MAGI2: variants seen among roughly 807,000 people sequenced by gnomAD.
MAGI2 encodes the protein membrane associated guanylate kinase, WW and PDZ domain containing 2, also known as membrane-associated guanylate kinase, WW and PDZ domain-containing protein 2.
A neutral mutation model predicts 133.3 loss-of-function variants in MAGI2; 35 were observed. The observed-to-expected ratio is 0.26, with a 90% CI of 0.20 to 0.35. MAGI2 has a LOEUF of 0.35. MAGI2 is among the 10% of genes least tolerant of loss of function. The probability of loss-of-function intolerance (pLI) is 1.00; values close to 1 mark genes in which losing one functional copy is unlikely to be tolerated. For missense variants in MAGI2, 1,636 were observed against 1,863.4 expected (o/e 0.88, Z 2.25); for synonymous variants, 729 against 710.6 (o/e 1.03, Z -0.41).
At chr7:78,422,812 G>A (rs1798922442) in intron 6 of MAGI2, among the ~76,000 whole-genome samples, 1 of 152,052 alleles carries the variant, frequency 6.6e-6, no homozygotes, top group African/African-American at 2.4e-5. Flanking sequence ...ACCTAGTCTT[G>A]CACAAAACAG....
chr7:79,387,636 G>A (rs1383421129), intron 1 of MAGI2, among the ~76,000 whole-genome samples: 2 of 151,784 alleles, frequency 1.3e-5, no homozygotes, highest in African/African-American at 4.8e-5. Flanking sequence ...CATATGACGT[G>A]CTAAATTTAA....
In MAGI2 at chr7:79,388,027, C is replaced by A. The variant is rs182809488; in HGVS notation, c.301+64993G>T. Reference sequence around the variant, plus strand: ...TTCCCCAAATTAAAATAATAATATTCCTGCTTGCTTAATGATTATATACAT... The same window carrying A: ...TTCCCCAAATTAAAATAATAATATTACTGCTTGCTTAATGATTATATACAT... On this transcript the variant is annotated intron_variant, in intron 1 of 21. Transcript: ENST00000354212. Among the ~76,000 whole-genome samples, 20 of 151,750 alleles carry A rather than the reference C, an allele frequency of 1.3e-4. No homozygotes were observed. In the East Asian group the frequency reaches 3.9e-3, roughly 29 times the overall value.
chr7:78,242,290 G>T (rs10256416), intron 10 of MAGI2, among the ~76,000 whole-genome samples: 24,496 of 152,136 alleles, frequency 0.16, 2,614 homozygotes, highest in East Asian at 0.31. Flanking sequence ...AGAGGGATGC[G>T]AAGGTCCTAG....
At chr7:78,752,340 T>C (rs1251473566) in intron 2 of MAGI2, among the ~76,000 whole-genome samples, 2 of 152,162 alleles carry the variant, frequency 1.3e-5, no homozygotes, top group Non-Finnish European at 2.9e-5. Flanking sequence ...TGGTGGCTCA[T>C]GCCTGTAATC....
chr7:78,725,489 T>A (rs1820683505), intron 2 of MAGI2, among the ~76,000 whole-genome samples: 1 of 152,178 alleles, frequency 6.6e-6, no homozygotes, highest in African/African-American at 2.4e-5. Flanking sequence ...GGCACTATGC[T>A]GAATGACAGA....
At chr7:78,269,470 G>C (rs1310431785) in intron 9 of MAGI2, among the ~76,000 whole-genome samples, 7 of 152,092 alleles carry the variant, frequency 4.6e-5, no homozygotes, top group Non-Finnish European at 7.4e-5. Flanking sequence ...TTTAATGATT[G>C]CCATTCTAAC....
At chr7:79,260,363 AATACATAC>A (rs61427819) in intron 1 of MAGI2, among the ~76,000 whole-genome samples, 23,271 of 149,004 alleles carry the variant, frequency 0.16, 2,403 homozygotes, top group East Asian at 0.28. Context: ...TCTCTAAGTA[AATACATAC>A]ATACATACAT....
chr7:78,054,580 A>G (rs1047737526), intron 21 of MAGI2, among the ~76,000 whole-genome samples: 15 of 145,678 alleles, frequency 1.0e-4, no homozygotes, highest in Admixed American at 1.0e-3. Flanking sequence ...CCCTTCATTC[A>G]TAGGCATACT....
Position 78,430,240 on chromosome 7 carries a change from C to CTTTTTTTTTT in MAGI2, c.1045+59511_1045+59520dup, listed in dbSNP as rs545809101. On this transcript the variant is annotated intron_variant, in intron 6 of 21. Transcript: ENST00000354212. The stretch of plus-strand genomic sequence containing the variant: ...GTATTACTGTCTGTTCTGGAAAAGC[C>CTTTTTTTTTT]TTTTTTTTTTTTTTTTTTTTTTTTT... 1.7e-3 allele frequency among the ~76,000 whole-genome samples: 128 copies of CTTTTTTTTTT among 76,636 alleles called. 13 individuals are homozygous for CTTTTTTTTTT. Among genetic ancestry groups the CTTTTTTTTTT allele is most frequent in the African/African-American group, 6.4e-3 (116 of 18,006 alleles). The allele number at this position is 76,636 out of a possible 152,430, so 50.3% of individuals were successfully genotyped here. A position where few individuals can be genotyped will look rare whatever the true frequency, so the allele number is the denominator to read the frequency against.
At chr7:78,109,303 CAAAAAAAAAAAAAAAA>C (rs71085511) in intron 20 of MAGI2, among the ~76,000 whole-genome samples, 26 of 19,948 alleles carry the variant, frequency 1.3e-3, no homozygotes, top group Non-Finnish European at 2.0e-3. Flanking sequence ...GACTCCGTCT[CAAAAAAAAAAAAAAAA>C]AAAAAAAAAA....
chr7:78,031,103 C>A (rs911518296), intron 21 of MAGI2, among the ~76,000 whole-genome samples: 12 of 152,120 alleles, frequency 7.9e-5, no homozygotes, highest in Non-Finnish European at 1.6e-4. Context: ...GTGAAAGAAG[C>A]CAGATTCAAA....
At chr7:78,849,393 A>C (rs1198273307) in intron 2 of MAGI2, among the ~76,000 whole-genome samples, 1 of 152,066 alleles carries the variant, frequency 6.6e-6, no homozygotes, top group Non-Finnish European at 1.5e-5. Flanking sequence ...TCCAGCAGAG[A>C]GTTGGATACA....
chr7:78,875,009 T>C (rs113702265), intron 2 of MAGI2, among the ~76,000 whole-genome samples: 1 of 152,056 alleles, frequency 6.6e-6, no homozygotes, highest in African/African-American at 2.4e-5. Flanking sequence ...GGATAGTGGC[T>C]GAGTAGAGAG....
chr7:78,051,023 C>T (rs1811952863), intron 21 of MAGI2, among the ~76,000 whole-genome samples: 1 of 152,248 alleles, frequency 6.6e-6, no homozygotes, highest in South Asian at 2.1e-4. Flanking sequence ...CAACCCCCAC[C>T]TGGAGCATTG....
At chr7:78,433,064 G>A (rs116689001) in intron 6 of MAGI2, among the ~76,000 whole-genome samples, 1,931 of 152,152 alleles carry the variant, frequency 0.013, 29 homozygotes, top group African/African-American at 0.041. Flanking sequence ...TAAACAGCAC[G>A]AAAGTCCAAA....
intron 1 of MAGI2, among the ~76,000 whole-genome samples, chr7:79,163,010 G>C (rs2129547883): frequency 6.6e-6 from 1 of 151,924 alleles, no homozygotes; most frequent in East Asian, 2.0e-4. Flanking sequence ...GTCCTGCCAA[G>C]GGACAAAAAA....
intron 21 of MAGI2, among the ~76,000 whole-genome samples, chr7:78,063,468 T>C (rs1813490689): frequency 6.6e-6 from 1 of 152,176 alleles, no homozygotes; most frequent in Admixed American, 6.6e-5. Flanking sequence ...TCTCAATCTT[T>C]TGGCCTCAAG....
intron 2 of MAGI2, among the ~76,000 whole-genome samples, chr7:78,703,823 T>C (rs62467293): frequency 5.9e-5 from 5 of 84,960 alleles, no homozygotes; most frequent in African/African-American, 2.0e-4. Context: ...CACACACACA[T>C]ACACACACAA....
chr7:78,544,622 G>A (rs1323411740), intron 3 of MAGI2, among the ~76,000 whole-genome samples: 2 of 152,120 alleles, frequency 1.3e-5, no homozygotes, highest in African/African-American at 4.8e-5. Flanking sequence ...AGTAGCATCA[G>A]CCTCACCTCG....
Sources: allele counts gnomAD v4.1 joint callset (sites outside exome capture counted in the v4.1 genomes callset), GRCh38; gene constraint gnomAD v4.1.1; transcripts MANE v1.5; gene names NCBI Gene and HGNC (gene_info 2026-07-23, HGNC 2026-07-21).